AGBL1: variants seen among roughly 807,000 people sequenced by gnomAD.
AGBL1 encodes AGBL carboxypeptidase 1.
In AGBL1, 130 loss-of-function variants were observed where a neutral mutation model predicts 118.9. That is an observed-to-expected ratio of 1.09 (90% CI 0.95 to 1.26). The LOEUF is 1.26. Among genes scored for constraint, AGBL1 ranks in the 50% most tolerant of loss-of-function variants. AGBL1 has a pLI of 0.00. For synonymous variants in AGBL1, 555 were observed against 478.9 expected (o/e 1.16, Z -2.08); for missense variants, 1,584 against 1,298.1 (o/e 1.22, Z -3.38).
At chr15:86,468,778 G>C (rs925935599) in intron 18 of AGBL1, among the ~76,000 whole-genome samples, 3 of 152,146 alleles carry the variant, frequency 2.0e-5, no homozygotes, top group Non-Finnish European at 4.4e-5. Flanking sequence ...GGTATTAAAA[G>C]AGTGTTTTGT....
chr15:86,164,443 G>A (rs2077309181), intron 5 of AGBL1, among the ~76,000 whole-genome samples: 1 of 152,166 alleles, frequency 6.6e-6, no homozygotes, highest in Admixed American at 6.5e-5. Flanking sequence ...GACTCATCTT[G>A]TGACCTTAGG....
chr15:86,536,342 C>T (rs901089942), intron 19 of AGBL1, among the ~76,000 whole-genome samples: 19 of 152,050 alleles, frequency 1.2e-4, no homozygotes, highest in African/African-American at 3.6e-4. Context: ...GATGGGGTCT[C>T]GATCTGTCAC....
intron 22 of AGBL1, among the ~76,000 whole-genome samples, chr15:86,707,491 G>A (rs1044758485): frequency 1.3e-5 from 2 of 152,178 alleles, no homozygotes; most frequent in South Asian, 2.1e-4. Flanking sequence ...ACTCTGCCAC[G>A]TTTGCACACA....
rs527282661 is a variant in AGBL1, at chr15:86,648,366, C to G, written c.2995-25907C>G. On this transcript the variant is annotated intron_variant, in intron 21 of 22. Transcript: ENST00000614907. The stretch of plus-strand genomic sequence containing the variant: ...TATGTTGAAGGCAGAGCCAATAGGA[C>G]TTTATGATGGATTAGAGGTGGTGGG... Among the ~76,000 whole-genome samples the G allele has an allele frequency of 5.9e-4, 89 of 152,018 alleles. 1 individual carries two copies. Among genetic ancestry groups the G allele is most frequent in the Non-Finnish European group, 8.8e-4 (60 of 68,006 alleles).
At chr15:86,419,706 T>G (rs2142021757) in intron 18 of AGBL1, among the ~76,000 whole-genome samples, 1 of 152,260 alleles carries the variant, frequency 6.6e-6, no homozygotes, top group African/African-American at 2.4e-5. Flanking sequence ...CAAGCTAAGA[T>G]TCACTGGCTT....
At position 86,706,946 on chromosome 15, in the gene AGBL1, G is replaced by T. The variant is rs150104725; in HGVS notation, c.3158+32510G>T. 1.7e-3 allele frequency among the ~76,000 whole-genome samples: 263 copies of T among 152,108 alleles called. 3 individuals are homozygous for T. The East Asian group carries it at 0.022, about 12-fold the overall frequency. On this transcript the variant is annotated intron_variant, in intron 22 of 22. Coordinates refer to ENST00000614907, the MANE Select transcript of AGBL1 (RefSeq NM_001386094.1). ...ATGGAGAGTAAAAAGGGATAAGAGTGGAAAACGTAGTCAAAAGGGAAAAAT... is the reference window on the plus strand; with the variant it reads ...ATGGAGAGTAAAAAGGGATAAGAGTTGAAAACGTAGTCAAAAGGGAAAAAT...
intron 22 of AGBL1, among the ~76,000 whole-genome samples, chr15:86,736,897 C>T (rs1191734616): frequency 2.6e-5 from 4 of 152,114 alleles, no homozygotes; most frequent in East Asian, 1.9e-4. Flanking sequence ...GGAATCCTCA[C>T]GTATTATGTT....
intron 21 of AGBL1, among the ~76,000 whole-genome samples, chr15:86,657,759 T>C (rs2142509010): frequency 6.6e-6 from 1 of 152,116 alleles, no homozygotes; most frequent in East Asian, 1.9e-4. Context: ...GACACATCTC[T>C]CGTAAGTCTC....
At position 86,831,404 on chromosome 15, in the gene AGBL1, C is replaced by T. The variant is rs536840037; in HGVS notation, c.3159-75683C>T. Among the ~76,000 whole-genome samples the T allele has an allele frequency of 5.3e-5, 8 of 152,288 alleles. No homozygotes were observed. The South Asian group carries it at 1.4e-3, about 28-fold the overall frequency. On this transcript the variant is annotated intron_variant, in intron 22 of 22. Coordinates refer to ENST00000614907, the MANE Select transcript of AGBL1 (RefSeq NM_001386094.1). Reference sequence around the variant, plus strand: ...TCTGAGACAAGACAAGTCCCTTCTGCCTATGAACCTGTAAAATCAAAAGCA... The same window carrying T: ...TCTGAGACAAGACAAGTCCCTTCTGTCTATGAACCTGTAAAATCAAAAGCA...
At chr15:86,722,568 A>G (rs964246926) in intron 22 of AGBL1, among the ~76,000 whole-genome samples, 78 of 152,342 alleles carry the variant, frequency 5.1e-4, no homozygotes, top group African/African-American at 1.7e-3. Context: ...AAGAAAACCT[A>G]GGCAATGCCA....
chr15:86,125,251 G>A (rs1163155265), intron 1 of AGBL1, among the ~76,000 whole-genome samples: 2 of 152,142 alleles, frequency 1.3e-5, no homozygotes, highest in Non-Finnish European at 2.9e-5. Flanking sequence ...CAAGATAACT[G>A]TTGCCTCTAT....
chr15:87,022,035 G>A (rs959049856), intron 24 of AGBL1, among the ~76,000 whole-genome samples: 1 of 152,098 alleles, frequency 6.6e-6, no homozygotes, highest in African/African-American at 2.4e-5. Flanking sequence ...GCTAGATCCA[G>A]AAGAAAGATA....
intron 21 of AGBL1, among the ~76,000 whole-genome samples, chr15:86,620,317 G>T (rs1326332107): frequency 1.3e-5 from 2 of 152,192 alleles, no homozygotes; most frequent in Non-Finnish European, 2.9e-5. Context: ...CAAAGGAAAT[G>T]ACTTCACTCG....
chr15:86,554,982 T>G (rs565133507), intron 21 of AGBL1, among the ~76,000 whole-genome samples: 1 of 152,316 alleles, frequency 6.6e-6, no homozygotes, highest in South Asian at 2.1e-4. Context: ...TCAATCTAAA[T>G]CTGTAGTTCT....
Position 86,289,513 on chromosome 15 carries a change from A to G in AGBL1, c.2221-5742A>G, listed in dbSNP as rs140568260. On this transcript the variant is annotated intron_variant, in intron 16 of 22. Coordinates refer to ENST00000614907, the MANE Select transcript of AGBL1 (RefSeq NM_001386094.1). ...TAGCAACCACTGCATGAGATAGGTA[A>G]TGATGTTTTTATGTGCCTTTTAAAG... Among the ~76,000 whole-genome samples the G allele has an allele frequency of 1.3e-3, 204 of 152,332 alleles. 4 individuals carry two copies. The East Asian group carries it at 0.027, about 20-fold the overall frequency.
Position 86,611,112 on chromosome 15 carries a change from C to G in AGBL1, c.2994+56575C>G, listed in dbSNP as rs116503215. Reference sequence around the variant, plus strand: ...GAACAGGACTTGTATCTTGTATCTGCTCTTGGTAGCTTGCAATTTGATAAT... The same window carrying G: ...GAACAGGACTTGTATCTTGTATCTGGTCTTGGTAGCTTGCAATTTGATAAT... On this transcript the variant is annotated intron_variant, in intron 21 of 22. Transcript: ENST00000614907. Among the ~76,000 whole-genome samples, 454 of 152,232 alleles carry G rather than the reference C, an allele frequency of 3.0e-3. 4 individuals carry two copies. Among genetic ancestry groups the G allele is most frequent in the African/African-American group, 0.01 (434 of 41,542 alleles).
chr15:86,346,381 C>G (rs2080537790), intron 17 of AGBL1, among the ~76,000 whole-genome samples: 1 of 143,826 alleles, frequency 7.0e-6, no homozygotes, highest in African/African-American at 2.6e-5. Flanking sequence ...AAGTCTCGCT[C>G]TGTTGCCCAG....
At chr15:86,164,202 G>A (rs2077305955) in intron 5 of AGBL1, among the ~76,000 whole-genome samples, 1 of 152,226 alleles carries the variant, frequency 6.6e-6, no homozygotes, top group African/African-American at 2.4e-5. Flanking sequence ...ATTTGAAATA[G>A]GCTTCTAGTG....
chr15:86,579,863 G>A lies in AGBL1; in HGVS notation c.2994+25326G>A, dbSNP rs188849332. Among the ~76,000 whole-genome samples the A allele has an allele frequency of 2.0e-5, 3 of 152,302 alleles. No homozygotes were observed. In the East Asian group the frequency reaches 5.8e-4, roughly 29 times the overall value. Reference sequence around the variant, plus strand: ...GATAATTGGTTGGTTGAGGTGGTGAGGGAGGAAGAAGTGGGAAAAGCCTAT... The same window carrying A: ...GATAATTGGTTGGTTGAGGTGGTGAAGGAGGAAGAAGTGGGAAAAGCCTAT... On this transcript the variant is annotated intron_variant, in intron 21 of 22. Coordinates refer to ENST00000614907, the MANE Select transcript of AGBL1 (RefSeq NM_001386094.1).
Sources: allele counts gnomAD v4.1 joint callset (sites outside exome capture counted in the v4.1 genomes callset), GRCh38; gene constraint gnomAD v4.1.1; transcripts MANE v1.5; gene names NCBI Gene and HGNC (gene_info 2026-07-23, HGNC 2026-07-21).